The following SEZ6L variants were observed in gnomAD, a reference collection of about 807,000 sequenced individuals.
The protein encoded by SEZ6L is seizure related 6 homolog like, also known as seizure 6-like protein.
SEZ6L carries 37 observed loss-of-function variants against 106.2 expected under a neutral mutation model. The observed-to-expected ratio is 0.35, with a 90% CI of 0.27 to 0.46. The LOEUF is 0.46. SEZ6L is among the 20% of genes least tolerant of loss of function. SEZ6L has a pLI of 1.00. For missense variants in SEZ6L, 1,172 were observed against 1,332.8 expected (o/e 0.88, Z 1.88); for synonymous variants, 541 against 570.4 (o/e 0.95, Z 0.73).
intron 5 of SEZ6L, among the ~76,000 whole-genome samples, chr22:26,300,329 G>A (rs557723331): frequency 1.1e-4 from 16 of 150,652 alleles, no homozygotes; most frequent in Middle Eastern, 3.4e-3. Context: ...AACAGGCCCC[G>A]GTGTGTGATG....
At chr22:26,337,325 G>A (rs2082677358) in intron 9 of SEZ6L, among the ~76,000 whole-genome samples, 1 of 152,202 alleles carries the variant, frequency 6.6e-6, no homozygotes, top group Non-Finnish European at 1.5e-5. Flanking sequence ...TGAAGATGCT[G>A]CTACTGCGTT....
At chr22:26,202,216 G>T (rs996979381) in intron 1 of SEZ6L, among the ~76,000 whole-genome samples, 3 of 152,102 alleles carry the variant, frequency 2.0e-5, no homozygotes, top group African/African-American at 7.2e-5. Flanking sequence ...GCCCGGCCAA[G>T]TCAGATTTTT....
intron 3 of SEZ6L, 43 bp downstream of exon 3, chr22:26,294,468 A>C (rs755013236): frequency 6.3e-7 from 1 of 1,591,328 alleles, no homozygotes; most frequent in Non-Finnish European, 8.6e-7. Context: ...CTCGTCTAGC[A>C]GGAAGTCTCA....
intron 11 of SEZ6L, among the ~76,000 whole-genome samples, chr22:26,348,674 GAAAGAAAGAAAGAAAGAAAGAAAGAAA>G (rs2083136479): frequency 1.4e-5 from 1 of 73,874 alleles, no homozygotes; most frequent in African/African-American, 5.8e-5. Context: ...AAGAAAGAAA[GAAAGAAAGAAAGAAAGAAAGAAAGAAA>G]GAAGGCAAGG....
intron 1 of SEZ6L, among the ~76,000 whole-genome samples, chr22:26,269,821 G>A (rs2080306094): frequency 6.6e-6 from 1 of 152,208 alleles, no homozygotes; most frequent in South Asian, 2.1e-4. Flanking sequence ...ACTGTGGGAA[G>A]ATCAATATTG....
At chr22:26,273,233 C>T (rs1341858908) in intron 1 of SEZ6L, among the ~76,000 whole-genome samples, 1 of 152,252 alleles carries the variant, frequency 6.6e-6, no homozygotes, top group East Asian at 1.9e-4. Flanking sequence ...GGGCATCTTT[C>T]CCCCACCCCA....
chr22:26,298,914 AGGAT>A, intron 4 of SEZ6L, 66 bp from the exon 5 acceptor site: 2 of 1,439,084 alleles, frequency 1.4e-6, no homozygotes, highest in South Asian at 3.0e-5. Flanking sequence ...ACTGGCTCCC[AGGAT>A]GTGGGTCAGG....
At chr22:26,188,934 A>G (rs747036608) in intron 1 of SEZ6L, among the ~76,000 whole-genome samples, 11 of 152,252 alleles carry the variant, frequency 7.2e-5, no homozygotes, top group Non-Finnish European at 1.0e-4. Flanking sequence ...TATAATTTCT[A>G]CTGCTCTAGC....
At chr22:26,227,673 C>G (rs1279695402) in intron 1 of SEZ6L, among the ~76,000 whole-genome samples, 2 of 151,406 alleles carry the variant, frequency 1.3e-5, no homozygotes, top group East Asian at 3.9e-4. Flanking sequence ...CTCACCTCGG[C>G]CTCTCAAAGC....
intron 12 of SEZ6L, among the ~76,000 whole-genome samples, chr22:26,353,637 C>G (rs1378550247): frequency 6.6e-6 from 1 of 152,206 alleles, no homozygotes; most frequent in Non-Finnish European, 1.5e-5. Context: ...AAGTCCTAAC[C>G]CACAGTATCT....
intron 10 of SEZ6L, 53 bp from the exon 11 acceptor site, chr22:26,347,666 C>A: frequency 6.8e-7 from 1 of 1,468,690 alleles, no homozygotes; most frequent in Non-Finnish European, 9.2e-7. Flanking sequence ...TAAAAGGAGG[C>A]CCCGACAACA....
chr22:26,296,609 C>T (rs981265586), intron 3 of SEZ6L, among the ~76,000 whole-genome samples: 4 of 152,226 alleles, frequency 2.6e-5, no homozygotes, highest in Non-Finnish European at 4.4e-5. Flanking sequence ...GCCAAAGGCC[C>T]CTCTTACAGG....
rs113607758 is a variant in SEZ6L at position 26,330,940 on chromosome 22, G to A, written c.2016-9496G>A. 3.3e-4 allele frequency among the ~76,000 whole-genome samples: 50 copies of A among 152,294 alleles called. 1 individual carries two copies. The highest frequency in any genetic ancestry group is 9.1e-4 in the African/African-American group (38 of 41,550). ...CTACCTAAAATTGTCCTGTGAATGAGGCTCGAAAAAGCCTTTTAAAGGCAA... is the reference window on the plus strand; with the variant it reads ...CTACCTAAAATTGTCCTGTGAATGAAGCTCGAAAAAGCCTTTTAAAGGCAA... On this transcript the variant is annotated intron_variant, in intron 9 of 16. Transcript: ENST00000248933.
rs1397872150 is a variant in SEZ6L at position 26,351,185 on chromosome 22, C to T, written c.2541C>T (p.Thr847=). 20 of 1,614,224 alleles carry T rather than the reference C, an allele frequency of 1.2e-5. No individual in the cohort carries two copies. Among genetic ancestry groups the T allele is most frequent in the Non-Finnish European group, 1.6e-5 (19 of 1,180,038 alleles). The change falls in exon 12 of 17, where the codon ACC becomes ACT. Residue 847 remains threonine (T), a synonymous_variant. Transcript: ENST00000248933. The part of the protein sequence containing the change: ...GFVLEGSSLL[T]CYSRETGTPI... ...TGCTTGAAGGGAGTTCTCTTCTGAC[C>T]TGCTACAGCCGTGAAACAGGGACTC...
intron 12 of SEZ6L, among the ~76,000 whole-genome samples, chr22:26,353,094 A>G (rs535858552): frequency 1.3e-5 from 2 of 152,304 alleles, no homozygotes; most frequent in Admixed American, 1.3e-4. Context: ...TGTTTCCACA[A>G]GTAACAGGGA....
At chr22:26,324,266 C>T (rs552737349) in intron 9 of SEZ6L, among the ~76,000 whole-genome samples, 5 of 152,180 alleles carry the variant, frequency 3.3e-5, no homozygotes, top group Non-Finnish European at 7.3e-5. Context: ...AAGTCTCAAT[C>T]AGGCTCCAGC....
chr22:26,198,746 C>T (rs1940744691), intron 1 of SEZ6L, among the ~76,000 whole-genome samples: 1 of 152,184 alleles, frequency 6.6e-6, no homozygotes, highest in African/African-American at 2.4e-5. Context: ...TTTATAAGGG[C>T]TCTGATCCCA....
chr22:26,272,320 T>C (rs1267152726), intron 1 of SEZ6L, among the ~76,000 whole-genome samples: 2 of 152,246 alleles, frequency 1.3e-5, no homozygotes, highest in Admixed American at 6.5e-5. Context: ...AATAAAAGTT[T>C]ATGAAAAACA....
intron 1 of SEZ6L, among the ~76,000 whole-genome samples, chr22:26,216,653 C>T (rs2077774140): frequency 6.9e-6 from 1 of 144,740 alleles, no homozygotes; most frequent in African/African-American, 2.5e-5. Context: ...GAGACTCCAT[C>T]TCAAAAAAGA....
Sources: gnomAD v4.1 joint callset for allele counts (sites outside exome capture counted in the v4.1 genomes callset) on GRCh38, gnomAD v4.1.1 for gene constraint, MANE v1.5 for transcripts, NCBI Gene and HGNC (gene_info 2026-07-23, HGNC 2026-07-21) for gene names.